Variants in NFIA observed in about 807,000 individuals in gnomAD.
The protein encoded by NFIA is nuclear factor I A, also known as nuclear factor 1 A-type.
In NFIA, 8 loss-of-function variants were observed where a neutral mutation model predicts 62.8. The ratio of observed to expected loss-of-function variants is 0.13; its 90% CI spans 0.07 to 0.23. The LOEUF (loss-of-function observed/expected upper bound fraction) is 0.23, where lower values mean the gene tolerates loss of function less well. NFIA is among the 10% of genes least tolerant of loss of function. NFIA has a pLI of 1.00. For synonymous variants in NFIA, 235 were observed against 238.1 expected, an observed-to-expected ratio of 0.99 and a Z score of 0.12; for missense variants, 410 against 642.1, an observed-to-expected ratio of 0.64 and a Z score of 3.91.
intron 6 of NFIA, among the ~76,000 whole-genome samples, chr1:61,365,665 A>G (rs545967087): frequency 6.6e-6 from 1 of 152,334 alleles, no homozygotes; most frequent in South Asian, 2.1e-4. Context: ...GCAGTATACT[A>G]GAGTAGATAC....
Position 61,088,021 on chromosome 1 carries a change from G to T in NFIA, c.28-128G>T. The stretch of plus-strand genomic sequence containing the variant: ...CCATAGGATCCTGTGTATGATTTTG[G>T]TAACAGAATGCTCTAATCAAATTTC... On this transcript the variant is annotated intron_variant, in intron 1 of 10. Coordinates refer to ENST00000403491, the MANE Select transcript of NFIA (RefSeq NM_001134673.4). The surrounding 1 kb of genome is among the most constrained non-coding windows in gnomAD (Gnocchi z 4.5). The T allele has an allele frequency of 1.1e-6, 1 of 903,490 alleles. No homozygotes were observed. The highest frequency in any genetic ancestry group is 1.8e-5 in the South Asian group (1 of 54,128). 56.0% of individuals were successfully genotyped at this position (903,490 alleles called of 1,614,324 possible). A position where few individuals can be genotyped will look rare whatever the true frequency, so the allele number is the denominator to read the frequency against.
chr1:61,402,385 G>A (rs916258525), intron 7 of NFIA, among the ~76,000 whole-genome samples: 1 of 152,134 alleles, frequency 6.6e-6, no homozygotes, highest in Non-Finnish European at 1.5e-5. Context: ...ACCAGGTGGA[G>A]AAACCAAGTT....
At chr1:61,223,428 G>T (rs549137803) in intron 2 of NFIA, among the ~76,000 whole-genome samples, 2 of 152,102 alleles carry the variant, frequency 1.3e-5, no homozygotes, top group South Asian at 2.1e-4. Context: ...CCTGTACTTT[G>T]CAAGGAGACA....
intron 2 of NFIA, among the ~76,000 whole-genome samples, chr1:61,266,943 CTAG>C (rs1248414643): frequency 6.6e-6 from 1 of 152,136 alleles, no homozygotes; most frequent in African/African-American, 2.4e-5. Flanking sequence ...CTGGTACTCT[CTAG>C]AGTCAGGTAT....
At chr1:61,299,847 C>T (rs1021856117) in intron 3 of NFIA, among the ~76,000 whole-genome samples, 5 of 152,228 alleles carry the variant, frequency 3.3e-5, no homozygotes, top group Non-Finnish European at 5.9e-5. Flanking sequence ...AAGTAACAAA[C>T]AGGCCAATAC....
chr1:61,400,267 C>T lies in NFIA; in HGVS notation c.1076-3837C>T, dbSNP rs1407494672. ...GGCAGTGCCATTGCAGCCAAAGAAA[C>T]CTGATCAAATTTCCTTCCTTCCCAT... On this transcript the variant is annotated intron_variant, in intron 7 of 10. Coordinates refer to ENST00000403491, the MANE Select transcript of NFIA (RefSeq NM_001134673.4). Among the ~76,000 whole-genome samples the T allele has an allele frequency of 2.0e-5, 3 of 152,294 alleles. No individual in the cohort carries two copies. In the South Asian group the frequency reaches 6.2e-4, roughly 32 times the overall value.
intron 3 of NFIA, among the ~76,000 whole-genome samples, chr1:61,290,298 C>G (rs983605136): frequency 3.3e-5 from 5 of 152,054 alleles, no homozygotes; most frequent in African/African-American, 1.2e-4. Context: ...GTTTCCGTTG[C>G]AAAAGATTTA....
chr1:61,135,605 C>T (rs556256557), intron 2 of NFIA, among the ~76,000 whole-genome samples: 2 of 152,262 alleles, frequency 1.3e-5, no homozygotes, highest in South Asian at 4.2e-4. Flanking sequence ...CAGGGTCTCC[C>T]TGTGTTGTGT....
chr1:61,157,274 A>G (rs1386005823), intron 2 of NFIA, among the ~76,000 whole-genome samples: 1 of 152,208 alleles, frequency 6.6e-6, no homozygotes, highest in Non-Finnish European at 1.5e-5. Flanking sequence ...ACTACTTGGT[A>G]ACATTCATAA....
At chr1:61,347,681 T>C (rs1306258232) in intron 4 of NFIA, among the ~76,000 whole-genome samples, 1 of 152,228 alleles carries the variant, frequency 6.6e-6, no homozygotes, top group African/African-American at 2.4e-5. Flanking sequence ...TTTGCATTTT[T>C]TCCTATGAAA....
intron 7 of NFIA, among the ~76,000 whole-genome samples, chr1:61,397,836 C>T (rs574923215): frequency 2.0e-5 from 3 of 152,272 alleles, no homozygotes; most frequent in Non-Finnish European, 2.9e-5. Flanking sequence ...GAATTATATA[C>T]GCACACACAC....
intron 10 of NFIA, among the ~76,000 whole-genome samples, chr1:61,451,605 C>T (rs531258773): frequency 2.0e-4 from 30 of 152,264 alleles, no homozygotes; most frequent in African/African-American, 7.2e-4. Flanking sequence ...TGAATGTTAC[C>T]GACTAATTTT....
intron 3 of NFIA, among the ~76,000 whole-genome samples, chr1:61,320,138 A>C (rs1476411614): frequency 6.6e-6 from 1 of 151,794 alleles, no homozygotes; most frequent in Non-Finnish European, 1.5e-5. Context: ...AGAAAAATCC[A>C]GCCTAGAATT....
intron 4 of NFIA, among the ~76,000 whole-genome samples, chr1:61,333,650 C>T (rs767214585): frequency 2.6e-5 from 4 of 152,092 alleles, no homozygotes; most frequent in Non-Finnish European, 5.9e-5. Flanking sequence ...CAAGAAATTA[C>T]CCCATTTTTA....
chr1:61,428,642 G>A (rs1666973082), intron 10 of NFIA, among the ~76,000 whole-genome samples: 1 of 151,694 alleles, frequency 6.6e-6, no homozygotes, highest in Non-Finnish European at 1.5e-5. Context: ...TATTTTCTGG[G>A]ACCACTTAAA....
intron 6 of NFIA, among the ~76,000 whole-genome samples, chr1:61,374,282 T>G (rs2100468655): frequency 6.6e-6 from 1 of 152,252 alleles, no homozygotes; most frequent in Non-Finnish European, 1.5e-5. Flanking sequence ...TGTGAATGCG[T>G]ATAATTGCTA....
At position 61,455,808 on chromosome 1, in the gene NFIA, C is replaced by T. The variant is rs763206839; in HGVS notation, c.*488C>T. On this transcript the variant is annotated 3_prime_UTR_variant, in exon 11 of 11. Transcript: ENST00000403491. The stretch of plus-strand genomic sequence containing the variant: ...AGTAGCTGAGATCTGCAATATATAA[C>T]GGGACAGTCAAAGGGCAATGTTTTT... 8 of 161,440 alleles carry T rather than the reference C, an allele frequency of 5.0e-5. No homozygotes were observed. Among genetic ancestry groups the T allele is most frequent in the Non-Finnish European group, 9.4e-5 (7 of 74,248 alleles). 10.0% of individuals were successfully genotyped at this position (161,440 alleles called of 1,614,324 possible). A position where few individuals can be genotyped will look rare whatever the true frequency, so the allele number is the denominator to read the frequency against.
At chr1:61,332,305 AC>A in intron 3 of NFIA, among the ~76,000 whole-genome samples, 1 of 152,130 alleles carries the variant, frequency 6.6e-6, no homozygotes, top group Non-Finnish European at 1.5e-5. Context: ...TAGTTGTTGT[AC>A]CATAGCTTTG....
At chr1:61,111,017 C>G (rs1242115059) in intron 2 of NFIA, among the ~76,000 whole-genome samples, 1 of 152,038 alleles carries the variant, frequency 6.6e-6, no homozygotes, top group Non-Finnish European at 1.5e-5. Flanking sequence ...TAAGTAGAGG[C>G]TCTCTGACAC....
Sources: gnomAD v4.1 joint callset for allele counts (sites outside exome capture counted in the v4.1 genomes callset) on GRCh38, gnomAD v4.1.1 for gene constraint, Gnocchi (gnomAD v3.1) non-coding constraint, MANE v1.5 for transcripts, NCBI Gene and HGNC (gene_info 2026-07-23, HGNC 2026-07-21) for gene names.